Variants in TRAPPC9 observed in about 807,000 individuals in gnomAD.
The protein encoded by TRAPPC9 is trafficking protein particle complex subunit 9, also known as IKK2 binding protein.
Under a neutral mutation model 124.0 loss-of-function variants are expected in TRAPPC9, and 83 were observed. The observed-to-expected ratio is 0.67, with a 90% confidence interval of 0.56 to 0.80. The LOEUF (loss-of-function observed/expected upper bound fraction) is 0.80. Among genes scored for constraint, TRAPPC9 ranks in the 30% least tolerant of loss-of-function variants. The pLI is 0.00. For synonymous variants in TRAPPC9, 638 were observed against 617.5 expected (o/e 1.03, Z -0.49); for missense variants, 1,302 against 1,508.3 (o/e 0.86, Z 2.27).
chr8:139,807,489 G>A (rs992369583), intron 21 of TRAPPC9, among the ~76,000 whole-genome samples: 2 of 152,116 alleles, frequency 1.3e-5, no homozygotes, highest in Admixed American at 6.5e-5. Context: ...GACCCTACAC[G>A]GGGCGCTTCA....
At chr8:140,258,145 C>A (rs1053905012) in intron 15 of TRAPPC9, among the ~76,000 whole-genome samples, 1 of 152,176 alleles carries the variant, frequency 6.6e-6, no homozygotes, top group Non-Finnish European at 1.5e-5. Context: ...CTTGGGTACA[C>A]GACAGCACAC....
Position 139,842,777 on chromosome 8 carries a change from G to T in TRAPPC9, c.3055+43102C>A, listed in dbSNP as rs1458270505. Among the ~76,000 whole-genome samples, 6 of 152,296 alleles carry T rather than the reference G, an allele frequency of 3.9e-5. No homozygotes were observed. In the South Asian group the frequency reaches 8.3e-4, roughly 21 times the overall value. On this transcript the variant is annotated intron_variant, in intron 21 of 22. Coordinates refer to ENST00000438773, the MANE Select transcript of TRAPPC9 (RefSeq NM_001160372.4). ...CAGGGTGCTGGCCATTGTGCTTCTGGGAGGGCATCCTGGTCAGCTGGTGGG... is the reference window on the plus strand; with the variant it reads ...CAGGGTGCTGGCCATTGTGCTTCTGTGAGGGCATCCTGGTCAGCTGGTGGG...
At chr8:139,963,749 C>CAAA (rs58224556) in intron 19 of TRAPPC9, among the ~76,000 whole-genome samples, 17 of 107,348 alleles carry the variant, frequency 1.6e-4, no homozygotes, top group African/African-American at 3.6e-4. Flanking sequence ...CCAGTTCTAC[C>CAAA]AAAAAAAAAA....
chr8:140,154,042 G>C (rs1412852934), intron 17 of TRAPPC9, among the ~76,000 whole-genome samples: 2 of 152,128 alleles, frequency 1.3e-5, no homozygotes, highest in African/African-American at 4.8e-5. Context: ...CTCTAGATTT[G>C]TTTATACAGC....
chr8:140,347,582 C>T (rs1230445252), intron 9 of TRAPPC9, among the ~76,000 whole-genome samples: 2 of 152,144 alleles, frequency 1.3e-5, no homozygotes, highest in Non-Finnish European at 2.9e-5. Context: ...TAGCAAGAAT[C>T]CCCTACACTT....
chr8:140,109,413 A>G (rs2060723143), intron 17 of TRAPPC9, among the ~76,000 whole-genome samples: 1 of 152,176 alleles, frequency 6.6e-6, no homozygotes, highest in South Asian at 2.1e-4. Context: ...ATCATCTAGG[A>G]GGGTCAAGTC....
chr8:140,225,880 G>A (rs115692562), intron 16 of TRAPPC9, among the ~76,000 whole-genome samples: 100 of 152,226 alleles, frequency 6.6e-4, no homozygotes, highest in African/African-American at 2.2e-3. Context: ...CCCATCCTTC[G>A]CAAATTACAC....
intron 16 of TRAPPC9, among the ~76,000 whole-genome samples, chr8:140,226,128 T>C (rs995090284): frequency 3.3e-5 from 5 of 152,266 alleles, no homozygotes; most frequent in African/African-American, 1.2e-4. Context: ...GGGATCAAGG[T>C]TGGCCTTGAT....
intron 17 of TRAPPC9, among the ~76,000 whole-genome samples, chr8:140,126,816 G>T (rs1350562992): frequency 6.6e-6 from 1 of 152,204 alleles, no homozygotes; most frequent in Non-Finnish European, 1.5e-5. Context: ...TGGCAGGTGT[G>T]GGGGCAGGGA....
intron 9 of TRAPPC9, among the ~76,000 whole-genome samples, chr8:140,317,017 G>A (rs946941508): frequency 4.6e-5 from 7 of 152,214 alleles, no homozygotes; most frequent in South Asian, 4.2e-4. Context: ...ATAATTGTTT[G>A]TAATAGTCTC....
At chr8:140,013,561 G>A (rs956618625) in intron 18 of TRAPPC9, among the ~76,000 whole-genome samples, 1 of 152,190 alleles carries the variant, frequency 6.6e-6, no homozygotes, top group South Asian at 2.1e-4. Context: ...TGCCTTCAGA[G>A]AGCTGACCAT....
At position 139,984,226 on chromosome 8, in the gene TRAPPC9, T is replaced by C. The variant is rs1167507875; in HGVS notation, c.2810+4500A>G. ...GCCATGTTAATTCCAGGAATCTGGC[T>C]CTTCCTTTAAGAGTAGGCTGTGCTA... On this transcript the variant is annotated intron_variant, in intron 19 of 22. Coordinates refer to ENST00000438773, the MANE Select transcript of TRAPPC9 (RefSeq NM_001160372.4). The surrounding 1 kb of genome is among the most constrained non-coding windows in gnomAD (Gnocchi z 4.3). Among the ~76,000 whole-genome samples, 2 of 152,184 alleles carry C rather than the reference T, an allele frequency of 1.3e-5. No homozygotes were observed. The highest frequency in any genetic ancestry group is 3.9e-4 in the East Asian group (2 of 5,192).
chr8:140,012,701 C>T (rs1839214974), intron 18 of TRAPPC9, among the ~76,000 whole-genome samples: 1 of 152,184 alleles, frequency 6.6e-6, no homozygotes, highest in African/African-American at 2.4e-5. Context: ...CGAACAACAC[C>T]AAGCTCGTTC....
At chr8:140,426,515 C>T in intron 5 of TRAPPC9, 100 bp downstream of exon 5, 1 of 1,201,558 alleles carries the variant, frequency 8.3e-7, no homozygotes, top group South Asian at 1.3e-5. Flanking sequence ...CAGAATGTTC[C>T]AAAGATCATC....
rs1025926743 is a variant in TRAPPC9, at chr8:139,788,929, C to T, written c.3056-56727G>A. Among the ~76,000 whole-genome samples, 3 of 152,180 alleles carry T rather than the reference C, an allele frequency of 2.0e-5. No homozygotes were observed. The highest frequency in any genetic ancestry group is 2.9e-5 in the Non-Finnish European group (2 of 68,034). On this transcript the variant is annotated intron_variant, in intron 21 of 22. Coordinates refer to ENST00000438773, the MANE Select transcript of TRAPPC9 (RefSeq NM_001160372.4). The surrounding 1 kb of genome is among the most constrained non-coding windows in gnomAD (Gnocchi z 4.9). ...ACCAAAGTTTTAAAAGAAAAGCCCA[C>T]GTGGGGAGCATTTTGTTTTGAAAAA...
chr8:140,022,800 A>C (rs1011263583), intron 18 of TRAPPC9, among the ~76,000 whole-genome samples: 1 of 152,242 alleles, frequency 6.6e-6, no homozygotes, highest in African/African-American at 2.4e-5. Flanking sequence ...TACTCTGAGG[A>C]CTGAAAAGGT....
chr8:139,800,398 C>T (rs987970122), intron 21 of TRAPPC9, among the ~76,000 whole-genome samples: 13 of 152,216 alleles, frequency 8.5e-5, no homozygotes, highest in African/African-American at 3.1e-4. Flanking sequence ...TGGAAGAGGA[C>T]ACACGTGTCC....
At chr8:139,796,078 A>AAG (rs1823055825) in intron 21 of TRAPPC9, among the ~76,000 whole-genome samples, 2 of 129,074 alleles carry the variant, frequency 1.5e-5, no homozygotes, top group African/African-American at 6.7e-5. Flanking sequence ...AGGAGGAGGA[A>AAG]GAGGAGAAGG....
intron 17 of TRAPPC9, among the ~76,000 whole-genome samples, chr8:140,159,259 T>A (rs2061705070): frequency 6.6e-6 from 1 of 152,360 alleles, no homozygotes; most frequent in Non-Finnish European, 1.5e-5. Flanking sequence ...TTACCACATT[T>A]ACTATCACCC....
Sources: allele counts gnomAD v4.1 joint callset (sites outside exome capture counted in the v4.1 genomes callset), GRCh38; gene constraint gnomAD v4.1.1; non-coding constraint Gnocchi (gnomAD v3.1); transcripts MANE v1.5; gene names NCBI Gene and HGNC (gene_info 2026-07-23, HGNC 2026-07-21).